RAB11FIP3: variants seen among roughly 807,000 people sequenced by gnomAD.
RAB11FIP3 encodes the protein rab11 family-interacting protein 3.
A neutral mutation model predicts 77.8 loss-of-function variants in RAB11FIP3; 17 were observed. The ratio of observed to expected loss-of-function variants is 0.22; its 90% confidence interval spans 0.15 to 0.33. The LOEUF is 0.33. RAB11FIP3 is among the 10% of genes least tolerant of loss of function. The pLI, the probability that RAB11FIP3 is intolerant of heterozygous loss-of-function variation, is 1.00. For missense variants in RAB11FIP3, 1,005 were observed against 1,011.2 expected (o/e 0.99, Z 0.08); for synonymous variants, 437 against 448.2 (o/e 0.98, Z 0.31).
At position 484,747 on chromosome 16, in the gene RAB11FIP3, C is replaced by T. The variant is rs60849745; in HGVS notation, c.1115+2011C>T. Among the ~76,000 whole-genome samples, 185 of 152,322 alleles carry T rather than the reference C, an allele frequency of 1.2e-3. 1 individual carries two copies. The East Asian group carries it at 0.023, about 19-fold the overall frequency. On this transcript the variant is annotated intron_variant, in intron 4 of 13. Coordinates refer to ENST00000262305, the MANE Select transcript of RAB11FIP3 (RefSeq NM_014700.4). ...GCGACTCTAGAGTTGACTCTCCTGTCGGCGGCAGCGGGTAGTTCACTGTCG... is the reference window on the plus strand; with the variant it reads ...GCGACTCTAGAGTTGACTCTCCTGTTGGCGGCAGCGGGTAGTTCACTGTCG...
intron 2 of RAB11FIP3, among the ~76,000 whole-genome samples, chr16:469,649 C>A (rs2141678266): frequency 6.6e-6 from 1 of 152,252 alleles, no homozygotes; most frequent in Non-Finnish European, 1.5e-5. Context: ...CTCGGCCTCC[C>A]AAAGTGCTAG....
At chr16:497,223 C>T in intron 6 of RAB11FIP3, 3 of 1,281,566 alleles carry the variant, frequency 2.3e-6, no homozygotes. Context: ...TGGGCAGCTC[C>T]CCAAGGTGAG....
In RAB11FIP3 at chr16:514,211, G is replaced by A. The variant is rs1251688262; in HGVS notation, c.1640+3411G>A. On this transcript the variant is annotated intron_variant, in intron 9 of 13. Coordinates refer to ENST00000262305, the MANE Select transcript of RAB11FIP3 (RefSeq NM_014700.4). This position sits in a 1 kb window ranked among gnomAD's most constrained non-coding sequence, Gnocchi z 4.6. The stretch of plus-strand genomic sequence containing the variant: ...GCCACCAGGAACCTTGTGGTTCTCA[G>A]GGCTGCTCAGGCCGTCAGAGGCCCC... 1.3e-5 allele frequency among the ~76,000 whole-genome samples: 2 copies of A among 152,228 alleles called. No homozygotes were observed. Among genetic ancestry groups the A allele is most frequent in the East Asian group, 1.9e-4 (1 of 5,204 alleles).
At position 520,128 on chromosome 16, in the gene RAB11FIP3, G is replaced by A. The variant is rs944902497; in HGVS notation, c.1867G>A (p.Glu623Lys). The change falls in exon 12 of 14, where the codon GAG becomes AAG. Residue 623 changes from glutamate to lysine, a missense_variant. This residue lies in a region of RAB11FIP3 where 433 missense variants were observed against 436.1 expected (regional missense o/e 0.99). Transcript: ENST00000262305. ...RDKEATQELI[E>K]DLRKQLEHLQ... ...CTGCACGGTTGCCCTGCAGCTGATCGAGGACCTCCGAAAGCAGCTGGAGCA... is the reference window on the plus strand; with the variant it reads ...CTGCACGGTTGCCCTGCAGCTGATCAAGGACCTCCGAAAGCAGCTGGAGCA... 2 of 1,545,604 alleles carry A rather than the reference G, an allele frequency of 1.3e-6. No individual in the cohort carries two copies. The highest frequency in any genetic ancestry group is 1.2e-5 in the South Asian group (1 of 84,128).
chr16:458,495 C>T lies in RAB11FIP3; in HGVS notation c.715-2909C>T, dbSNP rs373977095. On this transcript the variant is annotated intron_variant, in intron 1 of 13. Coordinates refer to ENST00000262305, the MANE Select transcript of RAB11FIP3 (RefSeq NM_014700.4). ...CCTGGGGGGCCTTCCTCGGGTTCAC[C>T]GATGCCCACAGGGCCTGGGGGGCCT... Among the ~76,000 whole-genome samples, 210 of 31,984 alleles carry T rather than the reference C, an allele frequency of 6.6e-3. 1 individual carries two copies. The highest frequency in any genetic ancestry group is 0.025 in the Middle Eastern group (1 of 40). The allele number at this position is 31,984 out of a possible 152,430, so 21.0% of individuals were successfully genotyped here. A position where few individuals can be genotyped will look rare whatever the true frequency, so the allele number is the denominator to read the frequency against.
At chr16:458,186 C>A (rs1203372967) in intron 1 of RAB11FIP3, among the ~76,000 whole-genome samples, 2 of 152,372 alleles carry the variant, frequency 1.3e-5, no homozygotes, top group African/African-American at 4.8e-5. Context: ...CCACGGGGGC[C>A]CGGGCCTTGC....
intron 1 of RAB11FIP3, among the ~76,000 whole-genome samples, chr16:458,333 T>C (rs1210485357): frequency 6.6e-6 from 1 of 151,954 alleles, no homozygotes; most frequent in African/African-American, 2.4e-5. Flanking sequence ...AGGGCTGCCC[T>C]TGAGGGTTCT....
chr16:454,573 A>T (rs922312069), intron 1 of RAB11FIP3, among the ~76,000 whole-genome samples: 1 of 151,820 alleles, frequency 6.6e-6, no homozygotes, highest in East Asian at 1.9e-4. Flanking sequence ...CAAAACCAAA[A>T]CCAAAAAACC....
At chr16:468,248 G>A (rs1313062808) in intron 2 of RAB11FIP3, among the ~76,000 whole-genome samples, 9 of 83,534 alleles carry the variant, frequency 1.1e-4, no homozygotes, top group Non-Finnish European at 1.9e-4. Context: ...GTGCTGGGGC[G>A]TCAGGGAGGA....
chr16:508,230 G>C (rs777662172), intron 8 of RAB11FIP3, among the ~76,000 whole-genome samples: 1 of 152,170 alleles, frequency 6.6e-6, no homozygotes, highest in Non-Finnish European at 1.5e-5. Context: ...CCTCTGACCC[G>C]GTGCTGTGAC....
At chr16:508,523 G>A (rs1222789921) in intron 8 of RAB11FIP3, among the ~76,000 whole-genome samples, 1 of 152,152 alleles carries the variant, frequency 6.6e-6, no homozygotes, top group Non-Finnish European at 1.5e-5. Context: ...ACAGGCATGC[G>A]CCACTGTGCC....
At chr16:441,310 G>A (rs1162935529) in intron 1 of RAB11FIP3, among the ~76,000 whole-genome samples, 1 of 152,158 alleles carries the variant, frequency 6.6e-6, no homozygotes, top group Non-Finnish European at 1.5e-5. Context: ...TCAGTAGCCT[G>A]ATGTTCCTGA....
At chr16:495,537 C>T (rs758295856) in intron 5 of RAB11FIP3, among the ~76,000 whole-genome samples, 11 of 152,160 alleles carry the variant, frequency 7.2e-5, no homozygotes, top group South Asian at 2.1e-4. Context: ...CTGCAGGTGT[C>T]GGAGGGCCCT....
At chr16:479,251 G>T (rs1019948021) in intron 3 of RAB11FIP3, among the ~76,000 whole-genome samples, 1 of 152,090 alleles carries the variant, frequency 6.6e-6, no homozygotes, top group African/African-American at 2.4e-5. Flanking sequence ...AATCAGCGAG[G>T]TGTGGTGGCT....
intron 6 of RAB11FIP3, chr16:502,641 G>A (rs2031595970): frequency 6.4e-6 from 2 of 314,098 alleles, no homozygotes; most frequent in Non-Finnish European, 1.2e-5. Context: ...TGGTAGAGAC[G>A]AGATTGTTCG....
At chr16:496,046 G>A (rs1361912101) in intron 5 of RAB11FIP3, among the ~76,000 whole-genome samples, 2 of 152,148 alleles carry the variant, frequency 1.3e-5, no homozygotes, top group African/African-American at 2.4e-5. Context: ...CACCACGCCC[G>A]GCCCCTCCAG....
At position 426,605 on chromosome 16, in the gene RAB11FIP3, G is replaced by A. The variant is rs1469962354; in HGVS notation, c.599G>A (p.Ser200Asn). 1 of 1,597,572 alleles carries A rather than the reference G, an allele frequency of 6.3e-7. No individual in the cohort carries two copies. The highest frequency in any genetic ancestry group is 1.7e-5 in the Admixed American group (1 of 58,224). The change falls in exon 1 of 14, where the codon AGT becomes AAT. Residue 200 changes from serine to asparagine, a missense_variant. Ser to Asn is a conservative substitution (Grantham distance 46, BLOSUM62 1). Transcript: ENST00000262305. This position sits in a 1 kb window ranked among gnomAD's most constrained non-coding sequence, Gnocchi z 5.0. ...CCCCTTCCGAGCGAGCCCGTGGGGA[G>A]TCAGGAGGACGGCCCCCGCCTCCGA... ...THPLPSEPVG[S>N]QEDGPRLRAV...
intron 6 of RAB11FIP3, among the ~76,000 whole-genome samples, chr16:498,207 T>A (rs1452475689): frequency 6.6e-6 from 1 of 152,198 alleles, no homozygotes; most frequent in Non-Finnish European, 1.5e-5. Flanking sequence ...ATTGTCTTGC[T>A]CTGTCACCTG....
At chr16:462,732 C>T (rs2055633431) in intron 2 of RAB11FIP3, among the ~76,000 whole-genome samples, 1 of 146,674 alleles carries the variant, frequency 6.8e-6, no homozygotes, top group South Asian at 2.2e-4. Flanking sequence ...CCTTCCCCAG[C>T]ACCATCCCTT....
Sources: allele counts gnomAD v4.1 joint callset (sites outside exome capture counted in the v4.1 genomes callset), GRCh38; gene constraint gnomAD v4.1.1; regional missense constraint gnomAD v4.1.1; non-coding constraint Gnocchi (gnomAD v3.1); transcripts MANE v1.5; gene names NCBI Gene and HGNC (gene_info 2026-07-23, HGNC 2026-07-21).